The following KCNQ1OT1 variants were observed in gnomAD, a reference collection of about 807,000 sequenced individuals.
KCNQ1OT1 encodes the protein KCNQ1 antisense RNA 2 (non-protein coding).
chr11:2,694,383 AT>A, exon 1 of KCNQ1OT1: 1 of 398,636 alleles, frequency 2.5e-6, no homozygotes, highest in Non-Finnish European at 4.4e-6. Context: ...TATCATGACT[AT>A]GGGAGAATTA....
At chr11:2,618,849 T>A in exon 1 of KCNQ1OT1, 1 of 398,320 alleles carries the variant, frequency 2.5e-6, no homozygotes, top group Non-Finnish European at 4.4e-6. Context: ...TCTTGTTTAA[T>A]TTCTTTCATC....
exon 1 of KCNQ1OT1, chr11:2,614,538 A>G (rs1849029867): frequency 7.5e-6 from 3 of 398,322 alleles, no homozygotes; most frequent in Non-Finnish European, 8.8e-6. Flanking sequence ...TCTCTGATAC[A>G]TTTTGAGATA....
chr11:2,635,781 C>A (rs1268661267), exon 1 of KCNQ1OT1: 1 of 152,104 alleles, frequency 6.6e-6, no homozygotes, highest in Non-Finnish European at 1.5e-5. Flanking sequence ...GGCAGTATGG[C>A]CATTTTCATG....
Position 2,656,091 on chromosome 11 carries a change from G to T in KCNQ1OT1, n.43904C>A, listed in dbSNP as rs560125107. 101 of 398,658 alleles carry T rather than the reference G, an allele frequency of 2.5e-4. No homozygotes were observed. Among genetic ancestry groups the T allele is most frequent in the African/African-American group, 1.9e-3 (94 of 48,760 alleles). 24.7% of individuals were successfully genotyped at this position (398,658 alleles called of 1,614,324 possible). On this transcript the variant is annotated non_coding_transcript_exon_variant, in exon 1 of 1. Transcript: ENST00000597346. ...TGGAGATGGGCACTTGTCATCATGG[G>T]TGTTTGGAAAGCAACTCTACGTTCT...
exon 1 of KCNQ1OT1, chr11:2,648,383 C>A (rs890485732): frequency 2.5e-6 from 1 of 398,482 alleles, no homozygotes; most frequent in South Asian, 1.3e-4. Flanking sequence ...TAAAAACTTT[C>A]TACCTTATTG....
chr11:2,662,266 C>G, exon 1 of KCNQ1OT1: 1 of 658,942 alleles, frequency 1.5e-6, no homozygotes, highest in South Asian at 1.9e-5. Flanking sequence ...AAGGGCACTT[C>G]CCACTGAGCC....
At position 2,621,835 on chromosome 11, in the gene KCNQ1OT1, T is replaced by G; in HGVS notation, n.78160A>C. 2.5e-6 allele frequency: 1 copy of G among 398,344 alleles called. No homozygotes were observed. The highest frequency in any genetic ancestry group is 4.4e-6 in the Non-Finnish European group (1 of 225,934). The allele number at this position is 398,344 out of a possible 1,614,324, so 24.7% of individuals were successfully genotyped here. ...TGTTTCAAAAATTGAAGTCTTAGTTTTACTGACTTTTTTCCCCTATGGTTT... is the reference window on the plus strand; with the variant it reads ...TGTTTCAAAAATTGAAGTCTTAGTTGTACTGACTTTTTTCCCCTATGGTTT... On this transcript the variant is annotated non_coding_transcript_exon_variant, in exon 1 of 1. Coordinates refer to ENST00000597346, the Ensembl canonical transcript of KCNQ1OT1. The surrounding 1 kb of genome is among the most constrained non-coding windows in gnomAD (Gnocchi z 5.7).
In KCNQ1OT1 at chr11:2,651,027, G is replaced by T. The variant is rs1422998752; in HGVS notation, n.48968C>A. 5.0e-6 allele frequency: 2 copies of T among 398,502 alleles called. No homozygotes were observed. Among genetic ancestry groups the T allele is most frequent in the East Asian group, 7.1e-5 (2 of 28,102 alleles). 24.7% of individuals were successfully genotyped at this position (398,502 alleles called of 1,614,324 possible). On this transcript the variant is annotated non_coding_transcript_exon_variant, in exon 1 of 1. Transcript: ENST00000597346. This position sits in a 1 kb window ranked among gnomAD's most constrained non-coding sequence, Gnocchi z 6.1. ...ACCTAGTCTCTCCAGCTATCTCCCT[G>T]GTTAAAACCACCACCATTTCTCTGC...
In KCNQ1OT1 at chr11:2,669,788, T is replaced by C. The variant is rs1039652206; in HGVS notation, n.30207A>G. On this transcript the variant is annotated non_coding_transcript_exon_variant, in exon 1 of 1. Transcript: ENST00000597346. This position sits in a 1 kb window ranked among gnomAD's most constrained non-coding sequence, Gnocchi z 5.6. ...TGTGATGGGAGATCCTGTGGGGACA[T>C]TCCTTATTTGGCCTGAGAGCTTTTG... 2 of 398,512 alleles carry C rather than the reference T, an allele frequency of 5.0e-6. No homozygotes were observed. The highest frequency in any genetic ancestry group is 2.1e-5 in the African/African-American group (1 of 48,624). The allele number at this position is 398,512 out of a possible 1,614,324, so 24.7% of individuals were successfully genotyped here.
chr11:2,646,880 A>T, exon 1 of KCNQ1OT1: 1 of 398,606 alleles, frequency 2.5e-6, no homozygotes, highest in Non-Finnish European at 4.4e-6. Context: ...ACCAGTTCTA[A>T]AAGATTTTGG....
At position 2,663,647 on chromosome 11, in the gene KCNQ1OT1, G is replaced by C. The variant is rs1211846465; in HGVS notation, n.36348C>G. 3 of 398,700 alleles carry C rather than the reference G, an allele frequency of 7.5e-6. No individual in the cohort carries two copies. In the East Asian group the frequency reaches 1.1e-4, roughly 14 times the overall value. The allele number at this position is 398,700 out of a possible 1,614,324, so 24.7% of individuals were successfully genotyped here. The stretch of plus-strand genomic sequence containing the variant: ...TCCAGACATGCAAAAAGTCCTACTG[G>C]GAGGAGAGGGCCATCACCCACAGTC... On this transcript the variant is annotated non_coding_transcript_exon_variant, in exon 1 of 1. Transcript: ENST00000597346. The surrounding 1 kb of genome is among the most constrained non-coding windows in gnomAD (Gnocchi z 5.2).
At position 2,691,774 on chromosome 11, in the gene KCNQ1OT1, G is replaced by A. The variant is rs971838585; in HGVS notation, n.8221C>T. ...CCACTAGGGCCATTTGCAGGCCAGT[G>A]GCCATCCACTGCCAGCAATCAGAGA... On this transcript the variant is annotated non_coding_transcript_exon_variant, in exon 1 of 1. Coordinates refer to ENST00000597346, the Ensembl canonical transcript of KCNQ1OT1. This position sits in a 1 kb window ranked among gnomAD's most constrained non-coding sequence, Gnocchi z 6.4. 2.5e-6 allele frequency: 1 copy of A among 398,592 alleles called. No homozygotes were observed. The highest frequency in any genetic ancestry group is 2.1e-5 in the African/African-American group (1 of 48,606). The allele number at this position is 398,592 out of a possible 1,614,324, so 24.7% of individuals were successfully genotyped here.
rs931027601 is a variant in KCNQ1OT1 at position 2,641,746 on chromosome 11, C to T, written n.58249G>A. 11 of 398,284 alleles carry T rather than the reference C, an allele frequency of 2.8e-5. No individual in the cohort carries two copies. In the Admixed American group the frequency reaches 3.1e-4, roughly 11 times the overall value. 24.7% of individuals were successfully genotyped at this position (398,284 alleles called of 1,614,324 possible). A position where few individuals can be genotyped will look rare whatever the true frequency, so the allele number is the denominator to read the frequency against. On this transcript the variant is annotated non_coding_transcript_exon_variant, in exon 1 of 1. Transcript: ENST00000597346. ...TAAAGTGTTTCCCCAATGTCTCCTT[C>T]ATTAATAGTGATGTTATAGTTTCAT... is the stretch of plus-strand genomic sequence containing the variant.
chr11:2,665,460 CAGTG>C (rs1850050039), exon 1 of KCNQ1OT1: 2 of 397,104 alleles, frequency 5.0e-6, no homozygotes, highest in Non-Finnish European at 8.9e-6. Context: ...ACTGGCACGA[CAGTG>C]GGTGGGGACG....
In KCNQ1OT1 at chr11:2,690,549, A is replaced by T. The variant is rs1350755724; in HGVS notation, n.9446T>A. 1 of 398,708 alleles carries T rather than the reference A, an allele frequency of 2.5e-6. No individual in the cohort carries two copies. Among genetic ancestry groups the T allele is most frequent in the African/African-American group, 2.1e-5 (1 of 48,772 alleles). The allele number at this position is 398,708 out of a possible 1,614,324, so 24.7% of individuals were successfully genotyped here. ...GTGCCACTGGGCCTAGGGAAGGACA[A>T]GAAGTAACATGTCAAAGATGGGACA... On this transcript the variant is annotated non_coding_transcript_exon_variant, in exon 1 of 1. Transcript: ENST00000597346. This position sits in a 1 kb window ranked among gnomAD's most constrained non-coding sequence, Gnocchi z 5.1.
rs193145798 is a variant in KCNQ1OT1, at chr11:2,642,613, C to T, written n.57382G>A. 3.8e-5 allele frequency: 15 copies of T among 397,646 alleles called. No homozygotes were observed. The highest frequency in any genetic ancestry group is 2.6e-4 in the South Asian group (2 of 7,836). The allele number at this position is 397,646 out of a possible 1,614,324, so 24.6% of individuals were successfully genotyped here. ...GGTTATTTTGTTTCTTTTCAAAAAC[C>T]GATTTTGCATTTCATTGATCCTTTA... On this transcript the variant is annotated non_coding_transcript_exon_variant, in exon 1 of 1. Transcript: ENST00000597346. This position sits in a 1 kb window ranked among gnomAD's most constrained non-coding sequence, Gnocchi z 4.3.
At chr11:2,666,239 G>A in exon 1 of KCNQ1OT1, 1 of 398,646 alleles carries the variant, frequency 2.5e-6, no homozygotes, top group Non-Finnish European at 4.4e-6. Flanking sequence ...CCATTGAGAT[G>A]GGCATGGGGG....
At position 2,676,112 on chromosome 11, in the gene KCNQ1OT1, A is replaced by G. The variant is rs1850288922; in HGVS notation, n.23883T>C. On this transcript the variant is annotated non_coding_transcript_exon_variant, in exon 1 of 1. Coordinates refer to ENST00000597346, the Ensembl canonical transcript of KCNQ1OT1. This position sits in a 1 kb window ranked among gnomAD's most constrained non-coding sequence, Gnocchi z 4.2. Reference sequence around the variant, plus strand: ...GTCTGTGTGTGCATGTACTTAGTAGATACGGCTCCTTTTTATACAAATGGT... The same window carrying G: ...GTCTGTGTGTGCATGTACTTAGTAGGTACGGCTCCTTTTTATACAAATGGT... The G allele has an allele frequency of 2.5e-6, 1 of 398,646 alleles. No individual in the cohort carries two copies. The highest frequency in any genetic ancestry group is 4.4e-6 in the Non-Finnish European group (1 of 226,074). 24.7% of individuals were successfully genotyped at this position (398,646 alleles called of 1,614,324 possible). A position where few individuals can be genotyped will look rare whatever the true frequency, so the allele number is the denominator to read the frequency against.
Position 2,673,627 on chromosome 11 carries a change from A to G in KCNQ1OT1, n.26368T>C, listed in dbSNP as rs1288050370. 5.0e-6 allele frequency: 2 copies of G among 398,592 alleles called. No individual in the cohort carries two copies. Among genetic ancestry groups the G allele is most frequent in the African/African-American group, 2.1e-5 (1 of 48,632 alleles). The allele number at this position is 398,592 out of a possible 1,614,324, so 24.7% of individuals were successfully genotyped here. A position where few individuals can be genotyped will look rare whatever the true frequency, so the allele number is the denominator to read the frequency against. Reference sequence around the variant, plus strand: ...ACGTGACCAGCCTACCCACCTTGCTACTGCTGATGACCACCCTGACTCATG... The same window carrying G: ...ACGTGACCAGCCTACCCACCTTGCTGCTGCTGATGACCACCCTGACTCATG... On this transcript the variant is annotated non_coding_transcript_exon_variant, in exon 1 of 1. Coordinates refer to ENST00000597346, the Ensembl canonical transcript of KCNQ1OT1. This position sits in a 1 kb window ranked among gnomAD's most constrained non-coding sequence, Gnocchi z 4.5.
Sources: gnomAD v4.1 joint callset for allele counts on GRCh38, gnomAD v4.1.1 for gene constraint, Gnocchi (gnomAD v3.1) non-coding constraint, MANE v1.5 for transcripts, NCBI Gene and HGNC (gene_info 2026-07-23, HGNC 2026-07-21) for gene names.